LINGO2: variants seen among roughly 807,000 people sequenced by gnomAD.
The protein encoded by LINGO2 is leucine-rich repeat and immunoglobulin-like domain-containing nogo receptor-interacting protein 2.
Under a neutral mutation model 30.6 loss-of-function variants are expected in LINGO2, and 14 were observed. The observed-to-expected ratio is 0.46, with a 90% confidence interval of 0.30 to 0.72. The LOEUF (loss-of-function observed/expected upper bound fraction) is 0.72. Ranked by LOEUF, LINGO2 falls within the 30% of genes least tolerant of loss-of-function variation. The pLI, the probability that LINGO2 is intolerant of heterozygous loss-of-function variation, is 0.07. For synonymous variants in LINGO2, 317 were observed against 288.5 expected (o/e 1.10, Z -1.00); for missense variants, 729 against 751.7 (o/e 0.97, Z 0.35).
At chr9:29,175,050 G>A in the LINGO2 span, among the ~76,000 whole-genome samples, 1 of 151,996 alleles carries the variant, frequency 6.6e-6, no homozygotes. Context: ...AATGAGGTTG[G>A]GAGTTAGAGA....
At chr9:29,096,291 A>T in the LINGO2 span, among the ~76,000 whole-genome samples, 1 of 138,216 alleles carries the variant, frequency 7.2e-6, no homozygotes. Context: ...TTTATTTTTT[A>T]TTTTTTTATT....
chr9:29,080,280 C>A, the LINGO2 span, among the ~76,000 whole-genome samples: 2 of 152,066 alleles, frequency 1.3e-5, no homozygotes, highest in African/African-American at 2.4e-5. Context: ...TCTGTGGGAT[C>A]GGTGGTGATA....
At chr9:28,983,726 C>G in the LINGO2 span, among the ~76,000 whole-genome samples, 6 of 151,716 alleles carry the variant, frequency 4.0e-5, no homozygotes, top group African/African-American at 1.5e-4. Context: ...GTACCTAGTC[C>G]AAAATATAGC....
At chr9:28,281,499 A>T (rs897821565) in intron 4 of LINGO2, among the ~76,000 whole-genome samples, 21 of 151,126 alleles carry the variant, frequency 1.4e-4, no homozygotes, top group Non-Finnish European at 2.4e-4. Flanking sequence ...ACACACATAT[A>T]AGGGGATATA....
chr9:28,120,515 A>T (rs1827064209), intron 4 of LINGO2, among the ~76,000 whole-genome samples: 1 of 152,150 alleles, frequency 6.6e-6, no homozygotes, highest in Admixed American at 6.5e-5. Flanking sequence ...ATTTGTTGGA[A>T]ATATTCAGTG....
intron 1 of LINGO2, among the ~76,000 whole-genome samples, chr9:28,666,624 G>A (rs1338471943): frequency 6.6e-6 from 1 of 152,046 alleles, no homozygotes; most frequent in Non-Finnish European, 1.5e-5. Context: ...ACCATCCTTG[G>A]TTGTACTATA....
At chr9:28,818,574 C>T in the LINGO2 span, among the ~76,000 whole-genome samples, 310 of 152,188 alleles carry the variant, frequency 2.0e-3, no homozygotes, top group African/African-American at 6.9e-3. Context: ...TTATTAGAGA[C>T]AAGGTTTCAC....
At chr9:28,053,558 A>G (rs10812732) in intron 4 of LINGO2, among the ~76,000 whole-genome samples, 31,944 of 151,982 alleles carry the variant, frequency 0.21, 6,317 homozygotes, top group African/African-American at 0.52. Context: ...TCAGCTTGCT[A>G]CAGATCAGAT....
intron 5 of LINGO2, among the ~76,000 whole-genome samples, chr9:27,997,827 C>G (rs1029778578): frequency 6.6e-6 from 1 of 152,108 alleles, no homozygotes; most frequent in African/African-American, 2.4e-5. Context: ...TATTTTCCAG[C>G]CACCAAGCAA....
At chr9:28,883,219 G>T in the LINGO2 span, among the ~76,000 whole-genome samples, 38 of 152,134 alleles carry the variant, frequency 2.5e-4, no homozygotes, top group African/African-American at 9.2e-4. Context: ...TTTAGAGACG[G>T]AGTCTTGCTC....
At chr9:28,543,894 C>G (rs185433747) in intron 1 of LINGO2, among the ~76,000 whole-genome samples, 1 of 152,006 alleles carries the variant, frequency 6.6e-6, no homozygotes, top group Non-Finnish European at 1.5e-5. Context: ...TAAAAACAAG[C>G]AATTATGAAT....
chr9:29,026,273 C>A, the LINGO2 span, among the ~76,000 whole-genome samples: 1 of 152,112 alleles, frequency 6.6e-6, no homozygotes, highest in South Asian at 2.1e-4. Flanking sequence ...AAGCAATCCT[C>A]CCTCCTCAGC....
intron 1 of LINGO2, among the ~76,000 whole-genome samples, chr9:28,507,042 T>C: frequency 6.6e-6 from 1 of 152,108 alleles, no homozygotes; most frequent in South Asian, 2.1e-4. Flanking sequence ...TGTTTCCACA[T>C]TTACCAGCTG....
chr9:28,981,162 G>A, the LINGO2 span, among the ~76,000 whole-genome samples: 1 of 152,050 alleles, frequency 6.6e-6, no homozygotes, highest in Admixed American at 6.6e-5. Flanking sequence ...CAAGTGCATA[G>A]TGCTTTCATA....
At chr9:28,521,883 G>C (rs1026066349) in intron 1 of LINGO2, among the ~76,000 whole-genome samples, 1 of 152,148 alleles carries the variant, frequency 6.6e-6, no homozygotes, top group African/African-American at 2.4e-5. Flanking sequence ...GGTGGAGACA[G>C]GTTGGAATTA....
chr9:28,714,433 A>C, the LINGO2 span, among the ~76,000 whole-genome samples: 1 of 151,928 alleles, frequency 6.6e-6, no homozygotes, highest in Non-Finnish European at 1.5e-5. Flanking sequence ...TTGCTCTGTA[A>C]TATGCAGTGT....
At chr9:28,066,727 G>A (rs960170557) in intron 4 of LINGO2, among the ~76,000 whole-genome samples, 4 of 151,976 alleles carry the variant, frequency 2.6e-5, no homozygotes, top group African/African-American at 9.7e-5. Context: ...TTTAGAAAGG[G>A]TCTTTAAGAA....
chr9:29,064,040 AAGTT>A, the LINGO2 span, among the ~76,000 whole-genome samples: 1 of 152,156 alleles, frequency 6.6e-6, no homozygotes, highest in Non-Finnish European at 1.5e-5. Flanking sequence ...TCACATGTGA[AAGTT>A]AGCCAATTTT....
At chr9:28,280,972 A>C (rs935078155) in intron 4 of LINGO2, among the ~76,000 whole-genome samples, 1 of 152,194 alleles carries the variant, frequency 6.6e-6, no homozygotes, top group Non-Finnish European at 1.5e-5. Context: ...CATTATGAAC[A>C]GTAACAGAAG....
Sources: gnomAD v4.1 joint callset for allele counts (sites outside exome capture counted in the v4.1 genomes callset) on GRCh38, gnomAD v4.1.1 for gene constraint, MANE v1.5 for transcripts, NCBI Gene and HGNC (gene_info 2026-07-23, HGNC 2026-07-21) for gene names.